Variants in LIN28B observed in about 807,000 individuals in gnomAD.
The protein encoded by LIN28B is lin-28 RNA binding posttranscriptional regulator B, also known as protein lin-28 homolog B.
LIN28B carries 5 observed loss-of-function variants against 21.9 expected under a neutral mutation model. The ratio of observed to expected loss-of-function variants is 0.23; its 90% CI spans 0.12 to 0.48. The LOEUF (loss-of-function observed/expected upper bound fraction) is 0.48, where lower values mean the gene tolerates loss of function less well. LIN28B is among the 20% of genes least tolerant of loss of function. LIN28B has a pLI of 0.98. For synonymous variants in LIN28B, 109 were observed against 111.3 expected (o/e 0.98, Z 0.13); for missense variants, 245 against 310.5 (o/e 0.79, Z 1.58).
rs1772563975 is a variant in LIN28B at position 105,082,770 on chromosome 6, CT to C, written c.*3988del. ...TTTAAATTTTATATTTGGAACAAAGCTGCAAGTTATGGTAAAGTACTGTACT... is the reference window on the plus strand; with the variant it reads ...TTTAAATTTTATATTTGGAACAAAGCGCAAGTTATGGTAAAGTACTGTACT... On this transcript the variant is annotated 3_prime_UTR_variant, in exon 4 of 4. Transcript: ENST00000345080. 1 of 152,606 alleles carries C rather than the reference CT, an allele frequency of 6.6e-6. No individual in the cohort carries two copies. Among genetic ancestry groups the C allele is most frequent in the Non-Finnish European group, 1.5e-5 (1 of 68,036 alleles). 9.5% of individuals were successfully genotyped at this position (152,606 alleles called of 1,614,324 possible).
At chr6:105,060,885 CAGAG>C (rs1772111534) in intron 3 of LIN28B, among the ~76,000 whole-genome samples, 2 of 152,118 alleles carry the variant, frequency 1.3e-5, no homozygotes, top group South Asian at 2.1e-4. Context: ...TGTGAGTGAT[CAGAG>C]TAAAGAAAGT....
rs376303580 is a variant in LIN28B, at chr6:105,026,488, C to A, written c.383+6C>A. ...AGAAAACCAAAGGGAGATAGGTAAT[C>A]ATTTTTACTTTGTTAATTTATCAGT... is the stretch of plus-strand genomic sequence containing the variant. On this transcript the variant is annotated splice_donor_region_variant and intron_variant, in intron 3 of 3. Transcript: ENST00000345080. 176 of 1,522,058 alleles carry A rather than the reference C, an allele frequency of 1.2e-4. 1 individual carries two copies. The highest frequency in any genetic ancestry group is 1.1e-3 in the Admixed American group (51 of 44,988). The allele number at this position is 1,522,058 out of a possible 1,614,324, so 94.3% of individuals were successfully genotyped here. A position where few individuals can be genotyped will look rare whatever the true frequency, so the allele number is the denominator to read the frequency against.
chr6:105,046,011 A>G (rs1173510696), intron 3 of LIN28B, among the ~76,000 whole-genome samples: 1 of 152,044 alleles, frequency 6.6e-6, no homozygotes, highest in African/African-American at 2.4e-5. Flanking sequence ...TGATTTTACA[A>G]TTTTTTAATT....
intron 2 of LIN28B, among the ~76,000 whole-genome samples, chr6:104,989,028 A>G (rs1437794646): frequency 6.6e-6 from 1 of 152,146 alleles, no homozygotes; most frequent in Non-Finnish European, 1.5e-5. Context: ...TATGATCTGC[A>G]GTCGTGTTCC....
At chr6:105,028,231 T>C (rs1318288134) in intron 3 of LIN28B, among the ~76,000 whole-genome samples, 2 of 151,938 alleles carry the variant, frequency 1.3e-5, no homozygotes, top group African/African-American at 4.9e-5. Flanking sequence ...AAGAGTAAGA[T>C]GGCAGGACAT....
chr6:105,036,887 T>C (rs1009025326), intron 3 of LIN28B, among the ~76,000 whole-genome samples: 1 of 152,172 alleles, frequency 6.6e-6, no homozygotes, highest in African/African-American at 2.4e-5. Context: ...TACAAGGGTA[T>C]TGTGATAATT....
chr6:104,982,231 T>C (rs1282227135), intron 2 of LIN28B, among the ~76,000 whole-genome samples: 1 of 151,896 alleles, frequency 6.6e-6, no homozygotes, highest in Non-Finnish European at 1.5e-5. Flanking sequence ...GGAGAATCGC[T>C]TGAACCAGGG....
chr6:104,938,050 CAAAAAAAAAAA>C (rs10562331), intron 2 of LIN28B, among the ~76,000 whole-genome samples: 2 of 73,708 alleles, frequency 2.7e-5, no homozygotes, highest in African/African-American at 1.2e-4. Context: ...CCTGTCTCTA[CAAAAAAAAAAA>C]AAAAAAAAAA....
chr6:105,042,555 T>TCATC (rs1378890015), intron 3 of LIN28B, among the ~76,000 whole-genome samples: 1 of 152,210 alleles, frequency 6.6e-6, no homozygotes, highest in African/African-American at 2.4e-5. Context: ...TTGCTTTCTT[T>TCATC]TGTAAGATCA....
intron 3 of LIN28B, among the ~76,000 whole-genome samples, chr6:105,041,410 G>A (rs1350244300): frequency 1.3e-5 from 2 of 151,596 alleles, no homozygotes; most frequent in African/African-American, 4.9e-5. Context: ...TTCATAAGTT[G>A]GATGCTTAAT....
At chr6:105,023,535 A>T (rs868858554) in intron 2 of LIN28B, among the ~76,000 whole-genome samples, 6 of 118 alleles carry the variant, frequency 0.051, 2 homozygotes, top group African/African-American at 0.094. Flanking sequence ...ATATTATATA[A>T]TATATATAAT....
intron 3 of LIN28B, among the ~76,000 whole-genome samples, chr6:105,042,452 T>G (rs1771657649): frequency 6.6e-6 from 1 of 152,212 alleles, no homozygotes; most frequent in Non-Finnish European, 1.5e-5. Context: ...TATATGTTTC[T>G]TTACTTTTTT....
At chr6:104,997,053 G>A (rs1420137548) in intron 2 of LIN28B, among the ~76,000 whole-genome samples, 1 of 152,166 alleles carries the variant, frequency 6.6e-6, no homozygotes, top group East Asian at 1.9e-4. Context: ...AGGCCAAGGC[G>A]GGTGGATCAT....
intron 3 of LIN28B, among the ~76,000 whole-genome samples, chr6:105,041,168 T>C (rs1291063664): frequency 6.6e-6 from 1 of 152,116 alleles, no homozygotes; most frequent in Non-Finnish European, 1.5e-5. Flanking sequence ...CGCCTCAGCC[T>C]CCCAGAGTGC....
chr6:105,036,875 G>A (rs1317114544), intron 3 of LIN28B, among the ~76,000 whole-genome samples: 8 of 152,094 alleles, frequency 5.3e-5, no homozygotes, highest in East Asian at 3.9e-4. Context: ...GTATGATTTC[G>A]GTACAAGGGT....
intron 3 of LIN28B, among the ~76,000 whole-genome samples, chr6:105,047,227 T>G (rs1771787921): frequency 6.6e-6 from 1 of 152,232 alleles, no homozygotes; most frequent in Non-Finnish European, 1.5e-5. Flanking sequence ...GTTTCAGCTT[T>G]CTGCATATGG....
chr6:105,043,051 A>T (rs1349004257), intron 3 of LIN28B, among the ~76,000 whole-genome samples: 1 of 152,226 alleles, frequency 6.6e-6, no homozygotes, highest in African/African-American at 2.4e-5. Flanking sequence ...CTGGAAGAAT[A>T]TATTCCATTT....
At chr6:105,027,896 A>G (rs1003339168) in intron 3 of LIN28B, among the ~76,000 whole-genome samples, 4 of 152,018 alleles carry the variant, frequency 2.6e-5, no homozygotes, top group South Asian at 2.1e-4. Context: ...ATATTTTCCT[A>G]TTGGTTTGAA....
intron 2 of LIN28B, among the ~76,000 whole-genome samples, chr6:105,001,723 A>G (rs1254511939): frequency 1.3e-5 from 2 of 152,202 alleles, no homozygotes; most frequent in African/African-American, 4.8e-5. Flanking sequence ...AAAATATCAT[A>G]GAAATGAAAT....
Sources: gnomAD v4.1 joint callset for allele counts (sites outside exome capture counted in the v4.1 genomes callset) on GRCh38, gnomAD v4.1.1 for gene constraint, MANE v1.5 for transcripts, NCBI Gene and HGNC (gene_info 2026-07-23, HGNC 2026-07-21) for gene names.